The following XRCC4 variants were observed in gnomAD, a reference collection of about 807,000 sequenced individuals.
XRCC4 encodes the protein X-ray repair cross complementing 4, also known as DNA repair protein XRCC4.
A neutral mutation model predicts 39.1 loss-of-function variants in XRCC4; 28 were observed. The observed-to-expected ratio is 0.72, with a 90% CI of 0.53 to 0.98. The LOEUF is 0.98. XRCC4 is among the 50% of genes least tolerant of loss of function. XRCC4 has a pLI of 0.00. For synonymous variants in XRCC4, 123 were observed against 126.4 expected (o/e 0.97, Z 0.18); for missense variants, 350 against 376.4 (o/e 0.93, Z 0.58).
Position 83,208,728 on chromosome 5 carries a change from T to C in XRCC4, c.745+3807T>C, listed in dbSNP as rs919053107. ...TGGCTAAAAGGAAATCCCCAAAGTA[T>C]TCTGAAACTTGAATATCACAGTCAA... is the stretch of plus-strand genomic sequence containing the variant. On this transcript the variant is annotated intron_variant, in intron 6 of 7. Transcript: ENST00000396027. Among the ~76,000 whole-genome samples the C allele has an allele frequency of 5.3e-5, 8 of 152,220 alleles. No individual in the cohort carries two copies. The East Asian group carries it at 1.5e-3, about 29-fold the overall frequency.
chr5:83,146,746 A>G (rs577065229), intron 3 of XRCC4, among the ~76,000 whole-genome samples: 7 of 152,192 alleles, frequency 4.6e-5, no homozygotes, highest in Non-Finnish European at 1.0e-4. Flanking sequence ...ACAAATGTCA[A>G]CTATCAGAAG....
chr5:83,285,618 T>C lies in XRCC4; in HGVS notation c.893+26941T>C, dbSNP rs541476139. 3.3e-5 allele frequency among the ~76,000 whole-genome samples: 5 copies of C among 152,318 alleles called. No homozygotes were observed. The East Asian group carries it at 9.6e-4, about 29-fold the overall frequency. ...AAAGAGTGTCTTTTCAGAATCATTCTAATTTGTTCATAGTTTTGGGAAATA... is the reference window on the plus strand; with the variant it reads ...AAAGAGTGTCTTTTCAGAATCATTCCAATTTGTTCATAGTTTTGGGAAATA... On this transcript the variant is annotated intron_variant, in intron 7 of 7. Coordinates refer to ENST00000396027, the MANE Select transcript of XRCC4 (RefSeq NM_003401.5).
Position 83,181,288 on chromosome 5 carries a change from T to C in XRCC4, c.316-14482T>C, listed in dbSNP as rs376575074. 4.6e-5 allele frequency among the ~76,000 whole-genome samples: 7 copies of C among 152,134 alleles called. No homozygotes were observed. The East Asian group carries it at 7.7e-4, about 17-fold the overall frequency. ...TGTACTAATATTGAGTATTTTATTA[T>C]GACTCTTTAAATATTATCAACATTA... On this transcript the variant is annotated intron_variant, in intron 3 of 7. Coordinates refer to ENST00000396027, the MANE Select transcript of XRCC4 (RefSeq NM_003401.5).
chr5:83,260,570 G>A (rs1038389123), intron 7 of XRCC4, among the ~76,000 whole-genome samples: 1 of 151,996 alleles, frequency 6.6e-6, no homozygotes, highest in Non-Finnish European at 1.5e-5. Context: ...AAGGTTTTAG[G>A]TTGCTAACAT....
chr5:83,359,862 A>T, the XRCC4 span, among the ~76,000 whole-genome samples: 1 of 152,142 alleles, frequency 6.6e-6, no homozygotes, highest in Non-Finnish European at 1.5e-5. Context: ...ATAATTAAAT[A>T]TGTGTAATTT....
chr5:83,156,711 A>G (rs553769780), intron 3 of XRCC4, among the ~76,000 whole-genome samples: 13 of 152,214 alleles, frequency 8.5e-5, no homozygotes, highest in African/African-American at 2.9e-4. Flanking sequence ...GAAAGCATAA[A>G]TTTGCAAAGC....
the XRCC4 span, among the ~76,000 whole-genome samples, chr5:83,359,714 A>G: frequency 2.0e-5 from 3 of 152,202 alleles, no homozygotes; most frequent in African/African-American, 7.2e-5. Context: ...GAAGATTTCA[A>G]TTAATTTCCA....
intron 3 of XRCC4, among the ~76,000 whole-genome samples, chr5:83,194,870 T>G (rs889356309): frequency 6.6e-6 from 1 of 152,154 alleles, no homozygotes; most frequent in African/African-American, 2.4e-5. Flanking sequence ...ACTCTGAACC[T>G]GAGTTTACTG....
chr5:83,199,644 TTG>T (rs1433923352), intron 4 of XRCC4, among the ~76,000 whole-genome samples: 2 of 143,202 alleles, frequency 1.4e-5, no homozygotes, highest in South Asian at 2.1e-4. Context: ...CATGAAATTG[TTG>T]TGTTTTTCCT....
intron 3 of XRCC4, among the ~76,000 whole-genome samples, chr5:83,146,096 C>T (rs955212841): frequency 6.6e-6 from 1 of 152,278 alleles, no homozygotes; most frequent in Non-Finnish European, 1.5e-5. Context: ...TAGAATCAGT[C>T]TTTCTGCTGT....
chr5:83,107,707 G>A (rs1181410455), intron 2 of XRCC4, among the ~76,000 whole-genome samples: 5 of 151,858 alleles, frequency 3.3e-5, no homozygotes, highest in Non-Finnish European at 1.5e-5. Flanking sequence ...CTCTGGAGTA[G>A]TTTGAAGTTT....
At chr5:83,171,037 C>T (rs1749697979) in intron 3 of XRCC4, among the ~76,000 whole-genome samples, 2 of 152,234 alleles carry the variant, frequency 1.3e-5, no homozygotes, top group African/African-American at 2.4e-5. Flanking sequence ...TCTCCAGTGC[C>T]GGTCTTTCCC....
intron 6 of XRCC4, among the ~76,000 whole-genome samples, chr5:83,240,591 T>G (rs1359073814): frequency 1.3e-5 from 2 of 152,128 alleles, no homozygotes; most frequent in Non-Finnish European, 2.9e-5. Flanking sequence ...TGTAAAATGC[T>G]TACATATTGA....
At chr5:83,095,768 A>G (rs1353855264) in intron 1 of XRCC4, among the ~76,000 whole-genome samples, 5 of 152,150 alleles carry the variant, frequency 3.3e-5, no homozygotes, top group African/African-American at 9.7e-5. Context: ...CTTAAATTGC[A>G]GTGAGAGGGG....
chr5:83,258,761 T>A, intron 7 of XRCC4, 84 bp downstream of exon 7: 1 of 1,460,022 alleles, frequency 6.8e-7, no homozygotes, highest in Non-Finnish European at 9.3e-7. Flanking sequence ...GTTTTCATTT[T>A]GAACGTTTTT....
chr5:83,276,451 A>AAGGGATTAATCCATTC (rs1554071136), intron 7 of XRCC4, among the ~76,000 whole-genome samples: 2,917 of 144,026 alleles, frequency 0.02, 86 homozygotes, highest in African/African-American at 0.078. Flanking sequence ...TTCATTTATG[A>AAGGGATTAATCCATTC]ATGGATTAAT....
intron 7 of XRCC4, chr5:83,258,887 G>T: frequency 1.6e-6 from 1 of 609,202 alleles, no homozygotes. Context: ...GAGAACGTAA[G>T]CAAAAATTTT....
chr5:83,114,381 A>G (rs1746608552), intron 3 of XRCC4, among the ~76,000 whole-genome samples: 1 of 151,976 alleles, frequency 6.6e-6, no homozygotes, highest in African/African-American at 2.4e-5. Context: ...CCAAACTTTT[A>G]TGGTCTGCTT....
intron 3 of XRCC4, among the ~76,000 whole-genome samples, chr5:83,114,105 A>T (rs1049141806): frequency 3.3e-5 from 5 of 152,148 alleles, no homozygotes; most frequent in Non-Finnish European, 7.4e-5. Context: ...AGTGACTGGG[A>T]TGCAGGGAAC....
Sources: allele counts gnomAD v4.1 joint callset (sites outside exome capture counted in the v4.1 genomes callset), GRCh38; gene constraint gnomAD v4.1.1; transcripts MANE v1.5; gene names NCBI Gene and HGNC (gene_info 2026-07-23, HGNC 2026-07-21).